TRIP4: variants seen among roughly 807,000 people sequenced by gnomAD.
TRIP4 encodes the protein activating signal cointegrator 1.
TRIP4 carries 54 observed loss-of-function variants against 81.8 expected under a neutral mutation model. That is an observed-to-expected ratio of 0.66 (90% CI 0.53 to 0.83). The LOEUF (loss-of-function observed/expected upper bound fraction) is 0.83. TRIP4 is among the 40% of genes least tolerant of loss of function. TRIP4 has a pLI of 0.00. For synonymous variants in TRIP4, 270 were observed against 242.8 expected (o/e 1.11, Z -1.04); for missense variants, 662 against 683.6 (o/e 0.97, Z 0.35).
intron 1 of TRIP4, among the ~76,000 whole-genome samples, chr15:64,391,722 C>G (rs1010927716): frequency 6.6e-6 from 1 of 151,874 alleles, no homozygotes; most frequent in Non-Finnish European, 1.5e-5. Flanking sequence ...GTAATCCCAG[C>G]ACTTTGGGAG....
intron 11 of TRIP4, among the ~76,000 whole-genome samples, chr15:64,443,940 G>C (rs574471447): frequency 1.3e-5 from 2 of 152,310 alleles, no homozygotes; most frequent in Admixed American, 1.3e-4. Flanking sequence ...CCAGATGCTA[G>C]TAAAAATCCC....
In TRIP4 at chr15:64,418,704, C is replaced by G. The variant is rs750757053; in HGVS notation, c.1334C>G (p.Ser445Cys). The change falls in exon 9 of 13, where the codon TCT (serine) becomes TGT (cysteine). Residue 445 changes from serine to cysteine, a missense_variant. Ser to Cys is a moderately radical substitution (Grantham distance 112). Coordinates refer to ENST00000261884, the MANE Select transcript of TRIP4 (RefSeq NM_016213.5). The stretch of plus-strand genomic sequence containing the variant: ...CTCTCTGTACATCAGCCCTGGGCTT[C>G]TCTGCTTGTCAGAGGGATTAAAAGG... ...WCLSVHQPWA[S>C]LLVRGIKRVE... is the part of the protein sequence containing the mutation. 4 of 1,611,992 alleles carry G rather than the reference C, an allele frequency of 2.5e-6. No individual in the cohort carries two copies. The African/African-American group carries it at 4.0e-5, about 16-fold the overall frequency.
intron 5 of TRIP4, among the ~76,000 whole-genome samples, chr15:64,401,379 C>T (rs1388249530): frequency 6.6e-6 from 1 of 152,118 alleles, no homozygotes; most frequent in Non-Finnish European, 1.5e-5. Flanking sequence ...TCATGATCTG[C>T]CCACCTTGGC....
At chr15:64,415,118 T>G (rs1891865257) in intron 8 of TRIP4, among the ~76,000 whole-genome samples, 1 of 151,754 alleles carries the variant, frequency 6.6e-6, no homozygotes, top group African/African-American at 2.4e-5. Context: ...CAAATATTTT[T>G]GAAAAATATA....
intron 1 of TRIP4, among the ~76,000 whole-genome samples, chr15:64,390,077 A>G (rs1410980425): frequency 6.8e-6 from 1 of 146,568 alleles, no homozygotes; most frequent in African/African-American, 2.5e-5. Context: ...TATATCAAAT[A>G]TTATATTAAA....
chr15:64,454,923 G>A, intron 12 of TRIP4, 74 bp from the exon 13 acceptor site: 1 of 1,362,486 alleles, frequency 7.3e-7, no homozygotes, highest in Non-Finnish European at 1.0e-6. Flanking sequence ...GTAACCAGAA[G>A]ACCTGGGAGG....
At chr15:64,389,382 A>G (rs1900049013) in intron 1 of TRIP4, among the ~76,000 whole-genome samples, 1 of 152,168 alleles carries the variant, frequency 6.6e-6, no homozygotes, top group Non-Finnish European at 1.5e-5. Flanking sequence ...CCTTATTCCC[A>G]GCACTTTGGG....
At position 64,394,050 on chromosome 15, in the gene TRIP4, C is replaced by A; in HGVS notation, c.206C>A (p.Thr69Asn). The change falls in exon 2 of 13, where the codon ACC becomes AAC. Residue 69 changes from threonine to asparagine, a missense_variant. By Grantham distance (65) the Thr-to-Asn change is moderately conservative (BLOSUM62 0). Transcript: ENST00000261884. ...GGTCAATTCATAGAAGAACTTATAA[C>A]CAAATGGCAAAAGAATGATCAGGAG... is the stretch of plus-strand genomic sequence containing the variant. ...KKGQFIEELI[T>N]KWQKNDQELI... 1.2e-6 allele frequency: 2 copies of A among 1,610,964 alleles called. No individual in the cohort carries two copies. The highest frequency in any genetic ancestry group is 1.7e-6 in the Non-Finnish European group (2 of 1,178,572).
At chr15:64,413,134 A>G (rs1445640956) in intron 7 of TRIP4, among the ~76,000 whole-genome samples, 6 of 152,104 alleles carry the variant, frequency 3.9e-5, no homozygotes, top group Non-Finnish European at 8.8e-5. Context: ...ATAACTGTAT[A>G]GGTTGTATTG....
At chr15:64,446,108 A>C (rs905933463) in intron 12 of TRIP4, among the ~76,000 whole-genome samples, 48 of 152,050 alleles carry the variant, frequency 3.2e-4, no homozygotes, top group African/African-American at 1.1e-3. Flanking sequence ...CCCCGTCTCT[A>C]CTGAAAATAC....
chr15:64,442,690 A>G (rs1892544569), intron 11 of TRIP4, among the ~76,000 whole-genome samples: 1 of 152,012 alleles, frequency 6.6e-6, no homozygotes, highest in African/African-American at 2.4e-5. Context: ...AGATAGATCA[A>G]TTAAGATGAG....
chr15:64,392,964 A>G (rs563221722), intron 1 of TRIP4, among the ~76,000 whole-genome samples: 3 of 152,150 alleles, frequency 2.0e-5, no homozygotes, highest in East Asian at 3.9e-4. Context: ...TTACCTCTAG[A>G]GCATAATTCT....
intron 8 of TRIP4, among the ~76,000 whole-genome samples, chr15:64,416,597 A>G (rs1891896222): frequency 1.3e-5 from 2 of 152,050 alleles, no homozygotes; most frequent in Non-Finnish European, 2.9e-5. Flanking sequence ...TTTACCCTAT[A>G]ATGGATCAAT....
intron 5 of TRIP4, 143 bp downstream of exon 5, chr15:64,400,964 G>A: frequency 1.5e-6 from 1 of 667,168 alleles, no homozygotes; most frequent in Non-Finnish European, 2.5e-6. Context: ...TTTTTGTTTT[G>A]TTTTGTTTTG....
chr15:64,393,873 G>C, intron 1 of TRIP4, 73 bp from the exon 2 acceptor site: 1 of 1,399,874 alleles, frequency 7.1e-7, no homozygotes, highest in Non-Finnish European at 9.5e-7. Context: ...TTACTACCTA[G>C]ATCTCTGTTA....
chr15:64,391,069 C>T (rs1900113080), intron 1 of TRIP4, among the ~76,000 whole-genome samples: 1 of 152,130 alleles, frequency 6.6e-6, no homozygotes, highest in Non-Finnish European at 1.5e-5. Context: ...TTGAGAATTA[C>T]CCAGGTGTAT....
chr15:64,390,945 G>A (rs1021203103), intron 1 of TRIP4, among the ~76,000 whole-genome samples: 1 of 151,906 alleles, frequency 6.6e-6, no homozygotes, highest in Admixed American at 6.6e-5. Context: ...AGTGCCCGTC[G>A]GCATGTATTA....
chr15:64,431,849 T>TATATATATATATATATATATATATA (rs1566981702), intron 11 of TRIP4, among the ~76,000 whole-genome samples: 43 of 81,408 alleles, frequency 5.3e-4, no homozygotes, highest in African/African-American at 1.5e-3. Context: ...ATATATATAT[T>TATATATATATATATATATATATATA]TTTTTTATCC....
intron 12 of TRIP4, among the ~76,000 whole-genome samples, chr15:64,448,034 T>C (rs1892672698): frequency 1.3e-5 from 2 of 152,206 alleles, no homozygotes; most frequent in Admixed American, 1.3e-4. Context: ...ACCCTCCCTC[T>C]GTTTTGGTTC....
Sources: allele counts gnomAD v4.1 joint callset (sites outside exome capture counted in the v4.1 genomes callset), GRCh38; gene constraint gnomAD v4.1.1; transcripts MANE v1.5; gene names NCBI Gene and HGNC (gene_info 2026-07-23, HGNC 2026-07-21).